The following GALNTL6 variants were observed in gnomAD, a reference collection of about 807,000 sequenced individuals.
GALNTL6 encodes polypeptide N-acetylgalactosaminyltransferase like 6.
Under a neutral mutation model 73.7 loss-of-function variants are expected in GALNTL6, and 46 were observed. The observed-to-expected ratio is 0.62, with a 90% confidence interval of 0.49 to 0.80. The LOEUF is 0.80. GALNTL6 is among the 30% of genes least tolerant of loss of function. The pLI, the probability that GALNTL6 is intolerant of heterozygous loss-of-function variation, is 0.00. For missense variants in GALNTL6, 604 were observed against 755.0 expected (o/e 0.80, Z 2.34); for synonymous variants, 259 against 263.7 (o/e 0.98, Z 0.17).
intron 2 of GALNTL6, among the ~76,000 whole-genome samples, chr4:171,909,515 A>G (rs1737408989): frequency 6.6e-6 from 1 of 152,186 alleles, no homozygotes; most frequent in African/African-American, 2.4e-5. Context: ...AAGCTCTTGC[A>G]CATAATGTTA....
chr4:171,837,061 C>A (rs1245647327), intron 2 of GALNTL6, among the ~76,000 whole-genome samples: 2 of 152,034 alleles, frequency 1.3e-5, no homozygotes, highest in Non-Finnish European at 2.9e-5. Context: ...TTGGCAGACA[C>A]CACAATGCGT....
intron 5 of GALNTL6, among the ~76,000 whole-genome samples, chr4:172,764,808 A>T (rs758733060): frequency 1.3e-5 from 2 of 152,254 alleles, no homozygotes; most frequent in African/African-American, 4.8e-5. Flanking sequence ...AAAAAAATTT[A>T]AAAAGTGAAC....
At chr4:172,376,726 C>T (rs1417655371) in intron 5 of GALNTL6, among the ~76,000 whole-genome samples, 1 of 152,154 alleles carries the variant, frequency 6.6e-6, no homozygotes, top group East Asian at 1.9e-4. Context: ...AGTTGTCTCA[C>T]CGCTTGGCGA....
At chr4:172,395,426 C>A (rs1399208784) in intron 5 of GALNTL6, among the ~76,000 whole-genome samples, 3 of 152,020 alleles carry the variant, frequency 2.0e-5, no homozygotes, top group African/African-American at 7.2e-5. Flanking sequence ...AATCAGAATT[C>A]TTTGGACAAC....
chr4:172,642,374 T>G (rs942005936), intron 5 of GALNTL6, among the ~76,000 whole-genome samples: 1 of 152,006 alleles, frequency 6.6e-6, no homozygotes, highest in African/African-American at 2.4e-5. Context: ...TCATTATATA[T>G]ATACACAATT....
intron 2 of GALNTL6, among the ~76,000 whole-genome samples, chr4:171,836,333 C>T (rs28413991): frequency 0.16 from 23,749 of 151,998 alleles, 1,967 homozygotes; most frequent in South Asian, 0.28. Context: ...TAGAGGTGAG[C>T]TGATGAACTT....
At chr4:172,439,035 C>G (rs1731736395) in intron 5 of GALNTL6, among the ~76,000 whole-genome samples, 1 of 151,968 alleles carries the variant, frequency 6.6e-6, no homozygotes, top group African/African-American at 2.4e-5. Flanking sequence ...AATCTCTCCT[C>G]TCTCTCATTG....
At chr4:172,255,990 T>G (rs1223774331) in intron 3 of GALNTL6, among the ~76,000 whole-genome samples, 1 of 151,570 alleles carries the variant, frequency 6.6e-6, no homozygotes, top group Non-Finnish European at 1.5e-5. Flanking sequence ...TATCTTCCAG[T>G]TCTATGCATA....
At chr4:172,032,499 G>T (rs1741798036) in intron 2 of GALNTL6, among the ~76,000 whole-genome samples, 1 of 151,994 alleles carries the variant, frequency 6.6e-6, no homozygotes, top group African/African-American at 2.4e-5. Context: ...TATAATATGG[G>T]CTGATGGTTG....
intron 10 of GALNTL6, among the ~76,000 whole-genome samples, chr4:172,993,252 C>T (rs1751622077): frequency 6.6e-6 from 1 of 152,130 alleles, no homozygotes; most frequent in African/African-American, 2.4e-5. Flanking sequence ...GATGTGTGCA[C>T]ACAGAGAAAA....
At chr4:172,562,377 C>T (rs1736406407) in intron 5 of GALNTL6, among the ~76,000 whole-genome samples, 1 of 152,188 alleles carries the variant, frequency 6.6e-6, no homozygotes, top group Non-Finnish European at 1.5e-5. Context: ...TGACTTACAT[C>T]TGTTATTAGA....
intron 10 of GALNTL6, among the ~76,000 whole-genome samples, chr4:172,966,375 A>T (rs1227391240): frequency 6.6e-6 from 1 of 151,894 alleles, no homozygotes; most frequent in Non-Finnish European, 1.5e-5. Flanking sequence ...CCTGGGATGA[A>T]ATTTTTTAAA....
chr4:172,600,263 A>C (rs1417388193), intron 5 of GALNTL6, among the ~76,000 whole-genome samples: 1 of 152,144 alleles, frequency 6.6e-6, no homozygotes, highest in Non-Finnish European at 1.5e-5. Flanking sequence ...ACTTAAAAAA[A>C]AATCTTTAAC....
At chr4:171,982,320 C>G (rs528057789) in intron 2 of GALNTL6, among the ~76,000 whole-genome samples, 1 of 152,148 alleles carries the variant, frequency 6.6e-6, no homozygotes, top group African/African-American at 2.4e-5. Flanking sequence ...GTTTTTGATA[C>G]GGAGTCTCGC....
At chr4:171,860,499 T>C (rs1735804238) in intron 2 of GALNTL6, among the ~76,000 whole-genome samples, 1 of 152,206 alleles carries the variant, frequency 6.6e-6, no homozygotes, top group Non-Finnish European at 1.5e-5. Context: ...AGATTGCTCA[T>C]TGTGGAACAA....
intron 5 of GALNTL6, among the ~76,000 whole-genome samples, chr4:172,774,749 C>T (rs2110876116): frequency 6.6e-6 from 1 of 152,018 alleles, no homozygotes; most frequent in East Asian, 1.9e-4. Context: ...TGTCTAAGCT[C>T]AGGAGTTGGA....
chr4:172,806,832 G>T (rs1023056336), intron 5 of GALNTL6, among the ~76,000 whole-genome samples: 5 of 152,124 alleles, frequency 3.3e-5, no homozygotes, highest in Non-Finnish European at 5.9e-5. Flanking sequence ...CCAAAAAACC[G>T]ATTTACAATT....
intron 5 of GALNTL6, among the ~76,000 whole-genome samples, chr4:172,745,444 T>TAC (rs544902297): frequency 1.1e-5 from 1 of 87,948 alleles, no homozygotes; most frequent in African/African-American, 5.8e-5. Context: ...TATATATATA[T>TAC]GTACACATAA....
chr4:173,032,120 G>A (rs765629552), intron 12 of GALNTL6, among the ~76,000 whole-genome samples: 2 of 152,196 alleles, frequency 1.3e-5, no homozygotes, highest in Admixed American at 1.3e-4. Context: ...TGAACTATTA[G>A]GTTGGTGCAA....
Sources: allele counts gnomAD v4.1 joint callset (sites outside exome capture counted in the v4.1 genomes callset), GRCh38; gene constraint gnomAD v4.1.1; transcripts MANE v1.5; gene names NCBI Gene and HGNC (gene_info 2026-07-23, HGNC 2026-07-21).